Variants in TNRC6A observed in about 807,000 individuals in gnomAD.
TNRC6A encodes trinucleotide repeat-containing gene 6A protein.
Under a neutral mutation model 221.2 loss-of-function variants are expected in TNRC6A, and 44 were observed. The observed-to-expected ratio is 0.20, with a 90% CI of 0.16 to 0.26. TNRC6A has a LOEUF of 0.26. TNRC6A is among the 10% of genes least tolerant of loss of function. The pLI, the probability that TNRC6A is intolerant of heterozygous loss-of-function variation, is 1.00. For synonymous variants in TNRC6A, 847 were observed against 838.5 expected (o/e 1.01, Z -0.18); for missense variants, 2,199 against 2,404.4 (o/e 0.91, Z 1.79).
Position 24,816,961 on chromosome 16 carries a change from G to A in TNRC6A, c.4972+5G>A. 1.9e-6 allele frequency: 3 copies of A among 1,609,432 alleles called. No homozygotes were observed. Among genetic ancestry groups the A allele is most frequent in the Non-Finnish European group, 2.5e-6 (3 of 1,178,510 alleles). ...ACCTCAGGGACAGGAACAGTGGTAC[G>A]TAGGGGGTGCAAATCAATTTCTGAG... On this transcript the variant is annotated splice_donor_5th_base_variant and intron_variant, in intron 20 of 24. Transcript: ENST00000395799.
At chr16:24,803,273 G>T (rs1209948854) in intron 11 of TNRC6A, among the ~76,000 whole-genome samples, 1 of 151,756 alleles carries the variant, frequency 6.6e-6, no homozygotes, top group Non-Finnish European at 1.5e-5. Flanking sequence ...AAAAAAATTA[G>T]CTGGGTGTGG....
chr16:24,806,269 C>A lies in TNRC6A; in HGVS notation c.4315C>A (p.Gln1439Lys). The A allele has an allele frequency of 6.2e-7, 1 of 1,614,160 alleles. No homozygotes were observed. Among genetic ancestry groups the A allele is most frequent in the Middle Eastern group, 1.6e-4 (1 of 6,062 alleles). ...QRSVPSGNRPQQDQQGRPLSV... is the reference protein window; with the variant it reads ...QRSVPSGNRPKQDQQGRPLSV... ...AAGCGTGCCTTCTGGGAACCGGCCGCAGCAAGACCAGCAGGTAGAGCCCGC... is the reference window on the plus strand; with the variant it reads ...AAGCGTGCCTTCTGGGAACCGGCCGAAGCAAGACCAGCAGGTAGAGCCCGC... The change falls in exon 16 of 25, where the codon CAG becomes AAG. Residue 1439 changes from glutamine to lysine, a missense_variant. Around this residue, in one of 8 missense-constraint regions of TNRC6A, gnomAD observed 449 missense variants for 579.7 expected, o/e 0.77. Transcript: ENST00000395799.
chr16:24,797,957 C>G lies in TNRC6A; in HGVS notation c.3685C>G (p.Leu1229Val). The change falls in exon 11 of 25, where the codon CTT becomes GTT. Residue 1229 changes from leucine to valine, a missense_variant. This residue lies in a region of TNRC6A where 158 missense variants were observed against 159.1 expected (regional missense o/e 0.99). Transcript: ENST00000395799. ...EENVQSNKMD[L>V]SGGMLQDKRM... ...AAATGTACAAAGCAATAAGATGGAC[C>G]TTTCTGGAGGTAAGAGAAAATTAAA... is the stretch of plus-strand genomic sequence containing the variant. 1 of 1,609,950 alleles carries G rather than the reference C, an allele frequency of 6.2e-7. No homozygotes were observed.
At chr16:24,675,125 GAC>G (rs1197507470) in intron 2 of TNRC6A, among the ~76,000 whole-genome samples, 3 of 151,900 alleles carry the variant, frequency 2.0e-5, no homozygotes, top group African/African-American at 7.3e-5. Context: ...CAGCCTGAGT[GAC>G]AGATCGAGAC....
At chr16:24,775,276 T>C (rs946314229) in intron 4 of TNRC6A, among the ~76,000 whole-genome samples, 1 of 152,132 alleles carries the variant, frequency 6.6e-6, no homozygotes, top group South Asian at 2.1e-4. Flanking sequence ...AAGAGACTCA[T>C]CAGTGAGCAT....
intron 7 of TNRC6A, among the ~76,000 whole-genome samples, chr16:24,794,008 A>G (rs1229250074): frequency 6.6e-6 from 1 of 152,200 alleles, no homozygotes; most frequent in African/African-American, 2.4e-5. Flanking sequence ...AGACTGTCAG[A>G]TGATTCCCTG....
At chr16:24,624,715 C>T (rs1399568652) in intron 1 of TNRC6A, among the ~76,000 whole-genome samples, 1 of 152,142 alleles carries the variant, frequency 6.6e-6, no homozygotes, top group Non-Finnish European at 1.5e-5. Context: ...AACTTCCGGG[C>T]TCAAGTGATC....
chr16:24,637,787 ATTAT>A (rs1030508408), intron 1 of TNRC6A, among the ~76,000 whole-genome samples: 2 of 152,096 alleles, frequency 1.3e-5, no homozygotes, highest in African/African-American at 4.8e-5. Flanking sequence ...TAATTTATTT[ATTAT>A]TTATTTATTT....
intron 1 of TNRC6A, among the ~76,000 whole-genome samples, chr16:24,636,372 A>ATTT (rs34517197): frequency 7.1e-6 from 1 of 140,266 alleles, no homozygotes; most frequent in African/African-American, 2.7e-5. Context: ...GGACTTTGTG[A>ATTT]TTTTTTTTTT....
intron 2 of TNRC6A, among the ~76,000 whole-genome samples, chr16:24,707,045 G>A (rs2056109926): frequency 6.6e-6 from 1 of 151,380 alleles, no homozygotes; most frequent in Admixed American, 6.6e-5. Flanking sequence ...ACCCAGGCTG[G>A]AGTGCAGTAG....
chr16:24,611,986 C>T (rs969801981), intron 1 of TNRC6A, among the ~76,000 whole-genome samples: 6 of 152,044 alleles, frequency 3.9e-5, no homozygotes, highest in African/African-American at 1.2e-4. Flanking sequence ...CCCAGCTACT[C>T]GAGAGGCTGA....
Position 24,823,406 on chromosome 16 carries a change from G to C in TNRC6A, c.5514-26G>C. 1 of 1,584,948 alleles carries C rather than the reference G, an allele frequency of 6.3e-7. No homozygotes were observed. Among genetic ancestry groups the C allele is most frequent in the Non-Finnish European group, 8.6e-7 (1 of 1,163,222 alleles). On this transcript the variant is annotated intron_variant, in intron 24 of 24. Transcript: ENST00000395799. This position sits in a 1 kb window ranked among gnomAD's most constrained non-coding sequence, Gnocchi z 4.3. ...AGCCCTCCTGGTGTGCTGTCCTCAC[G>C]TGTCCGCGGTGCCTCTCTCCTCTAG...
intron 2 of TNRC6A, among the ~76,000 whole-genome samples, chr16:24,666,689 A>ATATG (rs2141963889): frequency 7.0e-6 from 1 of 141,992 alleles, no homozygotes; most frequent in African/African-American, 2.6e-5. Context: ...ATATATATAT[A>ATATG]CATATGGCAG....
intron 1 of TNRC6A, among the ~76,000 whole-genome samples, chr16:24,619,957 CAA>C (rs1308860449): frequency 1.3e-5 from 2 of 151,996 alleles, no homozygotes; most frequent in East Asian, 3.9e-4. Flanking sequence ...GCCTGGGCAA[CAA>C]AGCAAGACCC....
In TNRC6A at chr16:24,775,437, A is replaced by G. The variant is rs74013498; in HGVS notation, c.164-1496A>G. On this transcript the variant is annotated intron_variant, in intron 4 of 24. Transcript: ENST00000395799. ...AGATCATATATTATATTAAAAAAGT[A>G]TAAATGACATAGACTAAATTTACCA... is the stretch of plus-strand genomic sequence containing the variant. 4.6e-3 allele frequency among the ~76,000 whole-genome samples: 706 copies of G among 152,360 alleles called. 6 individuals are homozygous for G. Among genetic ancestry groups the G allele is most frequent in the African/African-American group, 0.016 (679 of 41,596 alleles).
chr16:24,699,615 A>G (rs1215542110), intron 2 of TNRC6A, among the ~76,000 whole-genome samples: 1 of 151,332 alleles, frequency 6.6e-6, no homozygotes, highest in Non-Finnish European at 1.5e-5. Context: ...GATACTTGGG[A>G]GGCTGAGGTG....
chr16:24,642,409 A>G (rs1425781330), intron 2 of TNRC6A, among the ~76,000 whole-genome samples: 3 of 152,214 alleles, frequency 2.0e-5, no homozygotes, highest in Admixed American at 6.5e-5. Flanking sequence ...TTCAAGGGAC[A>G]TTTCCAGCCT....
intron 6 of TNRC6A, among the ~76,000 whole-genome samples, chr16:24,792,576 C>T (rs2058127255): frequency 8.5e-6 from 1 of 117,942 alleles, no homozygotes. Context: ...AAGATGAAGC[C>T]TGTTGGCTTT....
chr16:24,806,698 C>T lies in TNRC6A; in HGVS notation c.4454C>T (p.Ser1485Phe), dbSNP rs753878023. The change falls in exon 17 of 25, where the codon TCT (serine) becomes TTT (phenylalanine). Residue 1485 changes from serine (S) to phenylalanine (F), a missense_variant. Physicochemically the swap from Ser to Phe is radical, Grantham distance 155. Around this residue, in one of 8 missense-constraint regions of TNRC6A, gnomAD observed 449 missense variants for 579.7 expected, o/e 0.77. Coordinates refer to ENST00000395799, the MANE Select transcript of TNRC6A (RefSeq NM_014494.4). ...CCACTCCATCAGCCAGCCATGAAGT[C>T]TTTCCTTGACAATGTCATGCCCCAC... ...QQPLHQPAMK[S>F]FLDNVMPHTT... 4 of 1,614,184 alleles carry T rather than the reference C, an allele frequency of 2.5e-6. No homozygotes were observed. Among genetic ancestry groups the T allele is most frequent in the Admixed American group, 3.3e-5 (2 of 60,022 alleles).
Sources: allele counts gnomAD v4.1 joint callset (sites outside exome capture counted in the v4.1 genomes callset), GRCh38; gene constraint gnomAD v4.1.1; regional missense constraint gnomAD v4.1.1; non-coding constraint Gnocchi (gnomAD v3.1); transcripts MANE v1.5; gene names NCBI Gene and HGNC (gene_info 2026-07-23, HGNC 2026-07-21).